Variants in MAGI2 observed in about 807,000 individuals in gnomAD.
The protein encoded by MAGI2 is membrane associated guanylate kinase, WW and PDZ domain containing 2.
In MAGI2, 35 loss-of-function variants were observed where a neutral mutation model predicts 133.3. The observed-to-expected ratio is 0.26, with a 90% CI of 0.20 to 0.35. MAGI2 has a LOEUF of 0.35. Ranked by LOEUF, MAGI2 falls within the 10% of genes least tolerant of loss-of-function variation. The pLI, the probability that MAGI2 is intolerant of heterozygous loss-of-function variation, is 1.00. For synonymous variants in MAGI2, 729 were observed against 710.6 expected (o/e 1.03, Z -0.41); for missense variants, 1,636 against 1,863.4 (o/e 0.88, Z 2.25).
At chr7:78,447,667 G>A (rs887595779) in intron 6 of MAGI2, among the ~76,000 whole-genome samples, 5 of 152,126 alleles carry the variant, frequency 3.3e-5, no homozygotes, top group African/African-American at 1.2e-4. Flanking sequence ...AGAGGCCTAA[G>A]AAATCATCTG....
intron 2 of MAGI2, among the ~76,000 whole-genome samples, chr7:78,723,633 T>C (rs1043832519): frequency 1.4e-5 from 2 of 145,416 alleles, no homozygotes; most frequent in African/African-American, 5.1e-5. Flanking sequence ...GGGTGTAGAG[T>C]GAGGAAATAA....
At chr7:79,047,850 A>G (rs1426066324) in intron 1 of MAGI2, among the ~76,000 whole-genome samples, 1 of 152,136 alleles carries the variant, frequency 6.6e-6, no homozygotes, top group Non-Finnish European at 1.5e-5. Flanking sequence ...TTTATTCTTC[A>G]CTAGAATATC....
intron 4 of MAGI2, among the ~76,000 whole-genome samples, chr7:78,502,337 G>C (rs567238646): frequency 6.6e-6 from 1 of 152,120 alleles, no homozygotes; most frequent in Non-Finnish European, 1.5e-5. Flanking sequence ...TTAGAAGACA[G>C]AAAATGACCA....
chr7:78,370,532 A>T (rs1033310268), intron 6 of MAGI2, among the ~76,000 whole-genome samples: 1 of 151,944 alleles, frequency 6.6e-6, no homozygotes, highest in Non-Finnish European at 1.5e-5. Context: ...AAAAATTCCT[A>T]GATGTGAAAT....
At chr7:78,914,611 T>C (rs1383649749) in intron 2 of MAGI2, among the ~76,000 whole-genome samples, 1 of 152,134 alleles carries the variant, frequency 6.6e-6, no homozygotes, top group Non-Finnish European at 1.5e-5. Flanking sequence ...ATTAAAGGCA[T>C]TGGAATTGAT....
intron 1 of MAGI2, among the ~76,000 whole-genome samples, chr7:79,201,895 C>T (rs1195041001): frequency 6.6e-6 from 1 of 151,816 alleles, no homozygotes; most frequent in Non-Finnish European, 1.5e-5. Flanking sequence ...CTTTTATTAT[C>T]TAAGACTCAT....
chr7:78,742,775 AACTGATGCAGTGTG>A (rs1396235060), intron 2 of MAGI2, among the ~76,000 whole-genome samples: 1 of 152,150 alleles, frequency 6.6e-6, no homozygotes, highest in Non-Finnish European at 1.5e-5. Flanking sequence ...ATAGTGACTC[AACTGATGCAGTGTG>A]ACTTCCAAAA....
At chr7:79,263,529 A>G (rs1336330541) in intron 1 of MAGI2, among the ~76,000 whole-genome samples, 1 of 152,162 alleles carries the variant, frequency 6.6e-6, no homozygotes, top group African/African-American at 2.4e-5. Flanking sequence ...TAAAATTCAA[A>G]TAAAATAACT....
intron 2 of MAGI2, among the ~76,000 whole-genome samples, chr7:78,687,103 G>A (rs1458707974): frequency 6.6e-6 from 1 of 152,154 alleles, no homozygotes; most frequent in African/African-American, 2.4e-5. Flanking sequence ...CACCTTTGTA[G>A]GTGAGACTAG....
chr7:79,007,401 G>A (rs1242783244), intron 1 of MAGI2, among the ~76,000 whole-genome samples, 195 bp from the exon 2 acceptor site: 1 of 152,130 alleles, frequency 6.6e-6, no homozygotes, highest in Non-Finnish European at 1.5e-5. Flanking sequence ...TGCCTGCCAA[G>A]TCTGTGTTCA....
chr7:78,346,785 A>T (rs945491106), intron 7 of MAGI2, among the ~76,000 whole-genome samples: 4 of 152,134 alleles, frequency 2.6e-5, no homozygotes, highest in African/African-American at 9.7e-5. Context: ...GAAACCAACA[A>T]ATCTGCTTTT....
At chr7:79,354,983 C>T (rs1214999265) in intron 1 of MAGI2, among the ~76,000 whole-genome samples, 1 of 152,178 alleles carries the variant, frequency 6.6e-6, no homozygotes, top group African/African-American at 2.4e-5. Context: ...TGGTGCTTCC[C>T]TTTCTCTCCT....
intron 2 of MAGI2, among the ~76,000 whole-genome samples, chr7:78,718,716 AAAT>A (rs1585183237): frequency 6.6e-6 from 1 of 151,996 alleles, no homozygotes; most frequent in African/African-American, 2.4e-5. Context: ...ATAATAATAG[AAAT>A]AAAGTACCCA....
chr7:78,885,516 T>A (rs559828785), intron 2 of MAGI2, among the ~76,000 whole-genome samples: 2 of 152,124 alleles, frequency 1.3e-5, no homozygotes, highest in East Asian at 3.9e-4. Flanking sequence ...TACATGAACT[T>A]TAAGTGGAAC....
intron 20 of MAGI2, among the ~76,000 whole-genome samples, chr7:78,087,949 G>A (rs1305118028): frequency 1.3e-5 from 2 of 152,080 alleles, no homozygotes; most frequent in Non-Finnish European, 2.9e-5. Context: ...AAGAAACTGG[G>A]GCAATATCTT....
rs761693599 is a variant in MAGI2, at chr7:78,127,173, A to C, written c.3423+24T>G. 3.3e-6 allele frequency: 5 copies of C among 1,532,542 alleles called. No homozygotes were observed. In the African/African-American group the frequency reaches 5.5e-5, roughly 17 times the overall value. 94.9% of individuals were successfully genotyped at this position (1,532,542 alleles called of 1,614,324 possible). A position where few individuals can be genotyped will look rare whatever the true frequency, so the allele number is the denominator to read the frequency against. ...TCTCTGGAAGCCTTGGTCAGGACCC[A>C]CCCTGCTCTCCGGGAGGAGGTACCT... On this transcript the variant is annotated intron_variant, in intron 19 of 21. Transcript: ENST00000354212.
chr7:79,391,510 T>TATATATATATATATATATATATATAGAC (rs1563180485), intron 1 of MAGI2, among the ~76,000 whole-genome samples: 56 of 28,768 alleles, frequency 1.9e-3, no homozygotes, highest in South Asian at 4.0e-3. Flanking sequence ...TATATAGACA[T>TATATATATATATATATATATATATAGAC]ATATATATAT....
intron 2 of MAGI2, among the ~76,000 whole-genome samples, chr7:78,780,583 C>G (rs188234529): frequency 6.6e-6 from 1 of 152,218 alleles, no homozygotes; most frequent in Admixed American, 6.5e-5. Context: ...GAAAACAAAA[C>G]CCCATGCTCC....
intron 2 of MAGI2, among the ~76,000 whole-genome samples, chr7:78,975,425 T>C (rs943215358): frequency 2.6e-5 from 4 of 151,790 alleles, no homozygotes; most frequent in African/African-American, 2.4e-5. Flanking sequence ...CTACATAATA[T>C]ATGTGTCCAA....
Sources: gnomAD v4.1 joint callset for allele counts (sites outside exome capture counted in the v4.1 genomes callset) on GRCh38, gnomAD v4.1.1 for gene constraint, MANE v1.5 for transcripts, NCBI Gene and HGNC (gene_info 2026-07-23, HGNC 2026-07-21) for gene names.